Variants in HDX observed in about 807,000 individuals in gnomAD.
HDX encodes chromosome X open reading frame 43.
A neutral mutation model predicts 45.2 loss-of-function variants in HDX; 19 were observed. That is an observed-to-expected ratio of 0.42 (90% confidence interval 0.29 to 0.62). HDX has a LOEUF of 0.62. HDX is among the 20% of genes least tolerant of loss of function. HDX has a pLI of 0.20. For missense variants in HDX, 532 were observed against 493.9 expected (o/e 1.08, Z -0.73); for synonymous variants, 188 against 172.8 (o/e 1.09, Z -0.69).
At chrX:84,411,858 A>G (rs6623021) in intron 5 of HDX, among the ~76,000 whole-genome samples, 20,785 of 111,058 alleles carry the variant, frequency 0.19, 1,928 homozygotes, top group East Asian at 0.68. Context: ...TGTGTTGGGT[A>G]CATTCACATT....
At chrX:84,412,850 G>GT (rs1189713556) in intron 5 of HDX, among the ~76,000 whole-genome samples, 1 of 111,876 alleles carries the variant, frequency 8.9e-6, no homozygotes, top group African/African-American at 3.3e-5. Context: ...TTTCTCAGAG[G>GT]TTTTGTACAT....
At chrX:84,365,394 T>C in intron 5 of HDX, among the ~76,000 whole-genome samples, 1 of 111,365 alleles carries the variant, frequency 9.0e-6, no homozygotes, top group Middle Eastern at 4.6e-3. Context: ...CAGTAGTGTA[T>C]TAGTCACATA....
chrX:84,346,529 T>G (rs2037210141), intron 6 of HDX, among the ~76,000 whole-genome samples: 2 of 111,495 alleles, frequency 1.8e-5, no homozygotes, highest in African/African-American at 3.3e-5. Context: ...GGCAGAGGGC[T>G]AGCCACAGAT....
chrX:84,395,760 A>C (rs777640678), intron 5 of HDX, among the ~76,000 whole-genome samples: 14 of 111,696 alleles, frequency 1.3e-4, no homozygotes, highest in African/African-American at 4.5e-4. Flanking sequence ...GGCTTTGTTC[A>C]TCTTTTTTAA....
intron 5 of HDX, among the ~76,000 whole-genome samples, chrX:84,363,051 G>A (rs1193299536): frequency 2.7e-5 from 3 of 111,357 alleles, no homozygotes; most frequent in African/African-American, 6.5e-5. Context: ...GTGTGTGTGC[G>A]AATAAATTTC....
In HDX at chrX:84,322,095, A is replaced by G. The variant is rs2036609442; in HGVS notation, c.1948-81T>C. On this transcript the variant is annotated intron_variant, in intron 10 of 10. Coordinates refer to ENST00000373177, the MANE Select transcript of HDX (RefSeq NM_001177479.2). ...TTATATTAATAGTTGTAGTCCTCCC[A>G]TGGTGAATTATCCTTATGGATTTAA... 3 of 554,920 alleles carry G rather than the reference A, an allele frequency of 5.4e-6. No individual in the cohort carries two copies. In the East Asian group the frequency reaches 1.3e-4, roughly 23 times the overall value. 45.7% of individuals were successfully genotyped at this position (554,920 alleles called of 1,213,427 possible). A position where few individuals can be genotyped will look rare whatever the true frequency, so the allele number is the denominator to read the frequency against.
chrX:84,494,918 A>G (rs2040968231), intron 1 of HDX, among the ~76,000 whole-genome samples: 1 of 111,865 alleles, frequency 8.9e-6, no homozygotes, highest in African/African-American at 3.2e-5. Context: ...ATTATTCACA[A>G]TAGCCAAGAT....
intron 5 of HDX, among the ~76,000 whole-genome samples, chrX:84,368,735 C>T (rs2037821436): frequency 9.0e-6 from 1 of 111,696 alleles, no homozygotes; most frequent in Non-Finnish European, 1.9e-5. Context: ...ATTAAACCAG[C>T]AGTCCCCAAC....
At chrX:84,447,631 T>C (rs982628206) in intron 4 of HDX, among the ~76,000 whole-genome samples, 8 of 110,905 alleles carry the variant, frequency 7.2e-5, no homozygotes, top group Admixed American at 1.9e-4. Context: ...AAGATGCCAC[T>C]TTGAGAGGCC....
intron 5 of HDX, among the ~76,000 whole-genome samples, chrX:84,415,170 A>G (rs756885282): frequency 1.5e-4 from 17 of 112,028 alleles, no homozygotes; most frequent in African/African-American, 4.2e-4. Flanking sequence ...ATTAAGCTAC[A>G]TTTTCTGAGT....
At chrX:84,441,449 A>G (rs1000991748) in intron 4 of HDX, among the ~76,000 whole-genome samples, 1 of 112,062 alleles carries the variant, frequency 8.9e-6, no homozygotes, top group African/African-American at 3.2e-5. Context: ...AGTGGCCTCA[A>G]TAGAAGTCTA....
intron 5 of HDX, among the ~76,000 whole-genome samples, chrX:84,373,891 G>A (rs2037968632): frequency 9.1e-6 from 1 of 110,096 alleles, no homozygotes; most frequent in Non-Finnish European, 1.9e-5. Context: ...TCAACATAGT[G>A]TTGGAAGTTC....
intron 8 of HDX, among the ~76,000 whole-genome samples, chrX:84,336,414 A>G (rs1020910715): frequency 3.6e-5 from 4 of 111,360 alleles, no homozygotes; most frequent in African/African-American, 6.5e-5. Flanking sequence ...TCTTGCATAC[A>G]TGTGCCACAA....
At chrX:84,405,662 A>ATGTGTGTG (rs200777059) in intron 5 of HDX, among the ~76,000 whole-genome samples, 4,088 of 88,924 alleles carry the variant, frequency 0.046, 181 homozygotes, top group East Asian at 0.26. Flanking sequence ...ATATATATAT[A>ATGTGTGTG]TATGTGTGTG....
intron 5 of HDX, among the ~76,000 whole-genome samples, chrX:84,419,257 C>T (rs913711215): frequency 1.2e-4 from 13 of 110,397 alleles, no homozygotes; most frequent in Admixed American, 1.1e-3. Context: ...CAGAACTGGA[C>T]ACTTAGACAG....
At chrX:84,389,879 G>A (rs781744016) in intron 5 of HDX, among the ~76,000 whole-genome samples, 1 of 111,110 alleles carries the variant, frequency 9.0e-6, no homozygotes, top group Non-Finnish European at 1.9e-5. Flanking sequence ...TGTCTGTCGG[G>A]AATGCGTGGT....
chrX:84,376,781 T>C (rs2038067093), intron 5 of HDX, among the ~76,000 whole-genome samples: 1 of 112,425 alleles, frequency 8.9e-6, no homozygotes, highest in African/African-American at 3.2e-5. Context: ...AGTCCCAGAT[T>C]CCTGGATGGC....
intron 2 of HDX, among the ~76,000 whole-genome samples, chrX:84,478,321 G>A (rs5968335): frequency 0.026 from 2,957 of 111,596 alleles, 71 homozygotes; most frequent in African/African-American, 0.085. Context: ...GCTGAACAAT[G>A]AGTATAATTT....
chrX:84,339,083 G>A (rs2037028865), intron 7 of HDX, among the ~76,000 whole-genome samples: 1 of 111,426 alleles, frequency 9.0e-6, no homozygotes, highest in South Asian at 3.7e-4. Flanking sequence ...AGCAGTGCTG[G>A]AACAAACTGA....
Sources: gnomAD v4.1 joint callset for allele counts (sites outside exome capture counted in the v4.1 genomes callset) on GRCh38, gnomAD v4.1.1 for gene constraint, MANE v1.5 for transcripts, NCBI Gene and HGNC (gene_info 2026-07-23, HGNC 2026-07-21) for gene names.